The following FAAP20 variants were observed in gnomAD, a reference collection of about 807,000 sequenced individuals.
FAAP20 encodes Fanconi anemia core complex-associated protein 20.
A neutral mutation model predicts 16.2 loss-of-function variants in FAAP20; 12 were observed. The ratio of observed to expected loss-of-function variants is 0.74; its 90% CI spans 0.48 to 1.20. The LOEUF is 1.20. FAAP20 is among the 50% of genes most tolerant of loss of function. FAAP20 has a pLI of 0.00. For missense variants in FAAP20, 288 were observed against 245.8 expected, an observed-to-expected ratio of 1.17 and a Z score of -1.15; for synonymous variants, 141 against 110.7, an observed-to-expected ratio of 1.27 and a Z score of -1.72.
At chr1:2,184,648 C>T, downstream of FAAP20, 2 of 1,614,100 alleles carry the variant, frequency 1.2e-6, no homozygotes, top group Non-Finnish European at 1.7e-6. Context: ...GTCTGGACAA[C>T]TTTGACACAC....
Position 2,193,737 on chromosome 1 carries a change from AGGTGCCGGGCGCT to A in FAAP20, c.359_371del (p.Gln120LeufsTer35). ...CCACCCTGGGGGCCCTGCAGGGATC[AGGTGCCGGGCGCT>A]GGGGCAGGGACCTGGCGGGGGATTC... On this transcript the variant is annotated frameshift_variant, in exon 3 of 4. Transcript: ENST00000378546. LOFTEE classifies it high-confidence loss of function. The A allele has an allele frequency of 6.3e-7, 1 of 1,590,522 alleles. No individual in the cohort carries two copies. The highest frequency in any genetic ancestry group is 8.5e-7 in the Non-Finnish European group (1 of 1,172,486).
At chr1:2,210,465 C>T (rs557599516), downstream of FAAP20, among the ~76,000 whole-genome samples, 463 of 152,318 alleles carry the variant, frequency 3.0e-3, 5 homozygotes, top group African/African-American at 0.01. Context: ...CTACCCTCCA[C>T]GCCTGCTTTG....
rs190667422 is a variant in FAAP20 at position 2,189,574 on chromosome 1, G to A, written c.*135C>T. ...TTCATCACAACACAGAGACAGACAG[G>A]AGCCCGCCCTGCTTTAATGCGCATG... On this transcript the variant is annotated 3_prime_UTR_variant, in exon 4 of 4. Coordinates refer to ENST00000378546, the MANE Select transcript of FAAP20 (RefSeq NM_182533.4). 681 of 745,666 alleles carry A rather than the reference G, an allele frequency of 9.1e-4. 4 individuals are homozygous for A. The African/African-American group carries it at 0.01, about 11-fold the overall frequency. The allele number at this position is 745,666 out of a possible 1,614,324, so 46.2% of individuals were successfully genotyped here. A position where few individuals can be genotyped will look rare whatever the true frequency, so the allele number is the denominator to read the frequency against.
Position 2,193,908 on chromosome 1 carries a change from C to T in FAAP20, c.201G>A (p.Glu67=), listed in dbSNP as rs202236326. 456 of 1,611,996 alleles carry T rather than the reference C, an allele frequency of 2.8e-4. No homozygotes were observed. The highest frequency in any genetic ancestry group is 7.9e-4 in the Admixed American group (47 of 59,640). ...CAGTGGGCTCCGGGCCGCACCTGGG[C>T]TCCTGCAACACAGAGTTGTTGGGCC... ...VPSLPAFPGQ[E]PRCGPEPTEV... is the part of the protein sequence containing the mutation. Residue 67 remains glutamate (E), a splice_region_variant and synonymous_variant, in exon 3 of 4, where the codon GAG becomes GAA. Coordinates refer to ENST00000378546, the MANE Select transcript of FAAP20 (RefSeq NM_182533.4).
At chr1:2,189,069 C>T (rs1687868244), downstream of FAAP20, among the ~76,000 whole-genome samples, 5 of 150,254 alleles carry the variant, frequency 3.3e-5, no homozygotes, top group Admixed American at 3.3e-4. Flanking sequence ...CTGGCTCACG[C>T]CTGTAATCCC....
At chr1:2,192,947 G>A (rs1688407420) in intron 3 of FAAP20, 1 of 1,304,058 alleles carries the variant, frequency 7.7e-7, no homozygotes, top group South Asian at 1.2e-5. Context: ...GGACTCCGGT[G>A]CCTTCGCATT....
chr1:2,190,047 C>CTA (rs1195156144), intron 3 of FAAP20: 1 of 602,642 alleles, frequency 1.7e-6, no homozygotes, highest in Admixed American at 2.3e-5. Context: ...CAACAAGCCT[C>CTA]TCTATGGGAT....
At chr1:2,186,133 T>C (rs1167443192), downstream of FAAP20, 1 of 449,526 alleles carries the variant, frequency 2.2e-6, no homozygotes, top group African/African-American at 2.0e-5. Context: ...ACCTCATGCC[T>C]CTGAGTGAGG....
chr1:2,192,095 C>A (rs1048572424), intron 3 of FAAP20: 1 of 985,544 alleles, frequency 1.0e-6, no homozygotes. Context: ...GACAGGGCGA[C>A]GGTTCAAGAC....
At chr1:2,212,223 G>A (rs910739462) in exon 2 of FAAP20, 2 of 148,170 alleles carry the variant, frequency 1.3e-5, no homozygotes, top group Admixed American at 6.8e-5. Flanking sequence ...TCTGATGTAG[G>A]GGCTGCGGGG....
chr1:2,208,013 C>T (rs977869049), downstream of FAAP20, among the ~76,000 whole-genome samples: 1 of 152,046 alleles, frequency 6.6e-6, no homozygotes, highest in Non-Finnish European at 1.5e-5. Context: ...CGTGCCTGCA[C>T]GTGTGTGGAC....
At chr1:2,211,435 A>T (rs10910027), downstream of FAAP20, among the ~76,000 whole-genome samples, 201 of 8,556 alleles carry the variant, frequency 0.023, 1 homozygote, top group South Asian at 0.04. Flanking sequence ...ATATATATAT[A>T]TTTTTTTTTT....
chr1:2,194,030 C>T lies in FAAP20; in HGVS notation c.166G>A (p.Glu56Lys), dbSNP rs1488608748. 4 of 1,612,592 alleles carry T rather than the reference C, an allele frequency of 2.5e-6. No homozygotes were observed. The highest frequency in any genetic ancestry group is 1.3e-5 in the African/African-American group (1 of 74,896). The change falls in exon 2 of 4, where the codon GAG becomes AAG. Residue 56 changes from glutamate (E) to lysine (K), a missense_variant. By Grantham distance (56) the Glu-to-Lys change is moderately conservative. Coordinates refer to ENST00000378546, the MANE Select transcript of FAAP20 (RefSeq NM_182533.4). ...GGGAAGGCGGGCAGTGAAGGCACCT[C>T]GTGATCCAGGATCAGCTCCGGGCTC... ...TVSPELILDH[E>K]VPSLPAFPGQ... is the part of the protein sequence containing the mutation.
upstream of FAAP20, among the ~76,000 whole-genome samples, chr1:2,202,870 G>A (rs75025948): frequency 0.011 from 1,712 of 152,260 alleles, 37 homozygotes; most frequent in African/African-American, 0.039. Flanking sequence ...TCCTGCCTTG[G>A]CCTCCCAAAG....
At chr1:2,203,517 C>T (rs1689126699), upstream of FAAP20, 2 of 985,792 alleles carry the variant, frequency 2.0e-6, no homozygotes, top group African/African-American at 1.7e-5. Context: ...GACCTGTGCA[C>T]CTGACAGGGA....
chr1:2,203,159 C>G (rs1160140469), upstream of FAAP20, among the ~76,000 whole-genome samples: 4 of 152,226 alleles, frequency 2.6e-5, no homozygotes, highest in Admixed American at 1.3e-4. Context: ...CCCCAGGAAG[C>G]TATCTGGCCG....
chr1:2,189,875 C>T, intron 3 of FAAP20, 94 bp from the exon 4 acceptor site: 3 of 982,414 alleles, frequency 3.1e-6, no homozygotes, highest in Non-Finnish European at 4.8e-6. Context: ...CTGCTCCTGC[C>T]GCTGGAGAGG....
chr1:2,205,346 C>T (rs1003212160), intron 3 of FAAP20, among the ~76,000 whole-genome samples: 1 of 148,304 alleles, frequency 6.7e-6, no homozygotes, highest in Admixed American at 6.7e-5. Flanking sequence ...CACGTTCCGC[C>T]CCACCCCGCC....
chr1:2,188,387 C>T (rs1687798279), downstream of FAAP20, among the ~76,000 whole-genome samples: 1 of 152,188 alleles, frequency 6.6e-6, no homozygotes, highest in African/African-American at 2.4e-5. Context: ...GGCCCTGGAG[C>T]CCCCGGAGAG....
Sources: gnomAD v4.1 joint callset for allele counts (sites outside exome capture counted in the v4.1 genomes callset) on GRCh38, gnomAD v4.1.1 for gene constraint, MANE v1.5 for transcripts, NCBI Gene and HGNC (gene_info 2026-07-23, HGNC 2026-07-21) for gene names.